Variants in NOS1AP observed in about 807,000 individuals in gnomAD.
NOS1AP encodes nitric oxide synthase 1 adaptor protein, also known as carboxyl-terminal PDZ ligand of neuronal nitric oxide synthase protein.
NOS1AP carries 21 observed loss-of-function variants against 56.2 expected under a neutral mutation model. That is an observed-to-expected ratio of 0.37 (90% CI 0.26 to 0.54). The LOEUF is 0.54. NOS1AP is among the 20% of genes least tolerant of loss of function. NOS1AP has a pLI of 0.84. For synonymous variants in NOS1AP, 270 were observed against 274.6 expected (o/e 0.98, Z 0.17); for missense variants, 522 against 657.8 (o/e 0.79, Z 2.26).
At chr1:162,184,919 A>C (rs79800030) in intron 2 of NOS1AP, among the ~76,000 whole-genome samples, 9,518 of 152,342 alleles carry the variant, frequency 0.062, 360 homozygotes, top group East Asian at 0.2. Flanking sequence ...CTTAAACAGC[A>C]CATTTATCTT....
Position 162,070,038 on chromosome 1 carries a change from C to G in NOS1AP, c.-140C>G, listed in dbSNP as rs1691626521. On this transcript the variant is annotated 5_prime_UTR_variant, in exon 1 of 10. Coordinates refer to ENST00000361897, the MANE Select transcript of NOS1AP (RefSeq NM_014697.3). ...CACCGCTCCGGGTCCGGCCGCCGCG[C>G]GGCCAGGGCTCCCCCTGCCCAGCGC... 1 of 512,754 alleles carries G rather than the reference C, an allele frequency of 2.0e-6. No homozygotes were observed. The highest frequency in any genetic ancestry group is 3.3e-6 in the Non-Finnish European group (1 of 302,982). The allele number at this position is 512,754 out of a possible 1,614,324, so 31.8% of individuals were successfully genotyped here.
At chr1:162,344,674 G>T (rs1379133363) in intron 6 of NOS1AP, among the ~76,000 whole-genome samples, 1 of 148,002 alleles carries the variant, frequency 6.8e-6, no homozygotes, top group Non-Finnish European at 1.5e-5. Flanking sequence ...TTGTGCCACC[G>T]CACTCCAGCT....
chr1:162,118,422 A>C (rs1045690454), intron 1 of NOS1AP, among the ~76,000 whole-genome samples: 61 of 152,284 alleles, frequency 4.0e-4, no homozygotes, highest in African/African-American at 1.4e-3. Flanking sequence ...ACGTTGCTGC[A>C]AACGACATGA....
intron 2 of NOS1AP, among the ~76,000 whole-genome samples, chr1:162,261,010 G>A (rs1207950461): frequency 7.4e-6 from 1 of 135,380 alleles, no homozygotes; most frequent in Non-Finnish European, 1.5e-5. Flanking sequence ...TATTCCCAAG[G>A]TGACTAATAT....
intron 1 of NOS1AP, among the ~76,000 whole-genome samples, chr1:162,129,113 C>A (rs765029288): frequency 6.6e-6 from 1 of 151,852 alleles, no homozygotes; most frequent in Non-Finnish European, 1.5e-5. Flanking sequence ...TGTTTTGGGT[C>A]CCCAGCTAAG....
intron 1 of NOS1AP, among the ~76,000 whole-genome samples, chr1:162,115,610 C>A (rs1314123956): frequency 6.6e-6 from 1 of 152,162 alleles, no homozygotes; most frequent in East Asian, 1.9e-4. Flanking sequence ...GACTCTCAGG[C>A]CCCTTCCCAG....
At chr1:162,118,924 A>G (rs1462106323) in intron 1 of NOS1AP, among the ~76,000 whole-genome samples, 1 of 152,048 alleles carries the variant, frequency 6.6e-6, no homozygotes, top group Non-Finnish European at 1.5e-5. Context: ...ATCAACAGGG[A>G]GTGGAATTTA....
At chr1:162,328,699 GT>G (rs1280843338) in intron 4 of NOS1AP, among the ~76,000 whole-genome samples, 1 of 152,214 alleles carries the variant, frequency 6.6e-6, no homozygotes, top group Non-Finnish European at 1.5e-5. Flanking sequence ...ATCCAGGTCT[GT>G]CCCCCTCAGG....
At chr1:162,280,732 T>C (rs1177211380) in intron 2 of NOS1AP, among the ~76,000 whole-genome samples, 1 of 152,204 alleles carries the variant, frequency 6.6e-6, no homozygotes, top group Non-Finnish European at 1.5e-5. Flanking sequence ...AGAGATTTTA[T>C]TTATACCCAA....
intron 1 of NOS1AP, among the ~76,000 whole-genome samples, chr1:162,142,389 T>A (rs1407207868): frequency 1.3e-5 from 2 of 152,160 alleles, no homozygotes; most frequent in Non-Finnish European, 2.9e-5. Context: ...TTCCTTTCTA[T>A]CCATAATTTG....
At chr1:162,347,171 C>T (rs145507022) in intron 6 of NOS1AP, among the ~76,000 whole-genome samples, 53 of 152,286 alleles carry the variant, frequency 3.5e-4, no homozygotes, top group African/African-American at 1.3e-3. Flanking sequence ...GAGGATTTGC[C>T]GTAAGAACTG....
intron 1 of NOS1AP, among the ~76,000 whole-genome samples, chr1:162,106,013 G>A (rs144090834): frequency 6.6e-6 from 1 of 152,322 alleles, no homozygotes; most frequent in Non-Finnish European, 1.5e-5. Context: ...GCCAGAGTAT[G>A]CAAAACTCCT....
intron 1 of NOS1AP, among the ~76,000 whole-genome samples, chr1:162,099,705 A>G (rs984576313): frequency 4.6e-5 from 7 of 152,124 alleles, no homozygotes; most frequent in African/African-American, 1.7e-4. Flanking sequence ...ATATCTATAC[A>G]TGTGCCATGT....
chr1:162,301,854 C>T lies in NOS1AP; in HGVS notation c.344+1148C>T, dbSNP rs577514837. ...AAAGTGGATAAGGGTTGGAACTCAACGTGTGAAGTTGGCAGCATGGTGGCC... is the reference window on the plus strand; with the variant it reads ...AAAGTGGATAAGGGTTGGAACTCAATGTGTGAAGTTGGCAGCATGGTGGCC... On this transcript the variant is annotated intron_variant, in intron 4 of 9. Transcript: ENST00000361897. Among the ~76,000 whole-genome samples the T allele has an allele frequency of 3.3e-5, 5 of 152,300 alleles. No homozygotes were observed. The East Asian group carries it at 5.8e-4, about 18-fold the overall frequency.
chr1:162,313,431 C>T (rs561132510), intron 4 of NOS1AP, among the ~76,000 whole-genome samples: 1 of 152,318 alleles, frequency 6.6e-6, no homozygotes, highest in African/African-American at 2.4e-5. Flanking sequence ...TAATATTCTA[C>T]ATTTAGTTCT....
chr1:162,080,914 T>C (rs1005252667), intron 1 of NOS1AP, among the ~76,000 whole-genome samples: 1 of 152,182 alleles, frequency 6.6e-6, no homozygotes, highest in African/African-American at 2.4e-5. Flanking sequence ...GTATTATCAT[T>C]ATTTGTATCT....
chr1:162,124,154 G>A (rs1648372716), intron 1 of NOS1AP, among the ~76,000 whole-genome samples: 1 of 151,992 alleles, frequency 6.6e-6, no homozygotes, highest in Non-Finnish European at 1.5e-5. Flanking sequence ...TAGCTTTAGG[G>A]GTACAAGTGG....
chr1:162,119,029 A>G (rs1648091293), intron 1 of NOS1AP, among the ~76,000 whole-genome samples: 2 of 152,172 alleles, frequency 1.3e-5, no homozygotes, highest in South Asian at 4.1e-4. Flanking sequence ...TGATAAGGCA[A>G]ATCATGTGAG....
chr1:162,084,168 G>A (rs368244828), intron 1 of NOS1AP, among the ~76,000 whole-genome samples: 3 of 152,130 alleles, frequency 2.0e-5, no homozygotes, highest in South Asian at 2.1e-4. Context: ...TCATCTTCGC[G>A]TTGGCTTCTG....
Sources: allele counts gnomAD v4.1 joint callset (sites outside exome capture counted in the v4.1 genomes callset), GRCh38; gene constraint gnomAD v4.1.1; transcripts MANE v1.5; gene names NCBI Gene and HGNC (gene_info 2026-07-23, HGNC 2026-07-21).